Variants in GALNT13 observed in about 807,000 individuals in gnomAD.
GALNT13 encodes polypeptide N-acetylgalactosaminyltransferase 13, also known as UDP-GalNAc:polypeptide N-acetylgalactosaminyltransferase 13.
In GALNT13, 28 loss-of-function variants were observed where a neutral mutation model predicts 64.2. The ratio of observed to expected loss-of-function variants is 0.44; its 90% CI spans 0.32 to 0.60. The LOEUF (loss-of-function observed/expected upper bound fraction) is 0.60. Among genes scored for constraint, GALNT13 ranks in the 20% least tolerant of loss-of-function variants. The pLI is 0.05. For missense variants in GALNT13, 577 were observed against 669.8 expected (o/e 0.86, Z 1.53); for synonymous variants, 214 against 224.6 (o/e 0.95, Z 0.42).
At chr2:154,258,927 T>C in intron 7 of GALNT13, 94 bp from the exon 8 acceptor site, 1 of 677,954 alleles carries the variant, frequency 1.5e-6, no homozygotes, top group Non-Finnish European at 2.6e-6. Flanking sequence ...TTTTTAAATA[T>C]TTAGAATGTC....
At chr2:153,720,829 G>A in the GALNT13 span, among the ~76,000 whole-genome samples, 30 of 150,150 alleles carry the variant, frequency 2.0e-4, no homozygotes, top group Middle Eastern at 3.4e-3. Context: ...CCAAATCTAC[G>A]TCTGACTGGT....
the GALNT13 span, among the ~76,000 whole-genome samples, chr2:153,638,144 T>C: frequency 6.6e-6 from 1 of 151,906 alleles, no homozygotes; most frequent in Admixed American, 6.6e-5. Flanking sequence ...ATGTTTGGGG[T>C]GGCTGGAATA....
At chr2:153,237,428 A>G in the GALNT13 span, among the ~76,000 whole-genome samples, 1 of 152,044 alleles carries the variant, frequency 6.6e-6, no homozygotes, top group African/African-American at 2.4e-5. Flanking sequence ...CAAATACTAG[A>G]TCTTATTCAT....
chr2:153,248,815 C>CAAAAAAAA, the GALNT13 span, among the ~76,000 whole-genome samples: 1 of 127,500 alleles, frequency 7.8e-6, no homozygotes, highest in Non-Finnish European at 1.6e-5. Context: ...GACTCTGTCT[C>CAAAAAAAA]GAAAAAAAAA....
chr2:154,211,292 C>T (rs74662427), intron 4 of GALNT13, among the ~76,000 whole-genome samples: 1,624 of 151,716 alleles, frequency 0.011, 12 homozygotes, highest in Non-Finnish European at 0.017. Context: ...GCAATTGTAA[C>T]GCAGTCATAT....
the GALNT13 span, among the ~76,000 whole-genome samples, chr2:153,334,541 A>G: frequency 1.3e-5 from 2 of 152,106 alleles, no homozygotes; most frequent in African/African-American, 4.8e-5. Context: ...AAACAAAATG[A>G]TAAAGATTTT....
the GALNT13 span, among the ~76,000 whole-genome samples, chr2:153,781,569 A>G: frequency 6.6e-6 from 1 of 152,196 alleles, no homozygotes; most frequent in African/African-American, 2.4e-5. Flanking sequence ...CATGGCAACG[A>G]AAACTCTCTG....
At chr2:153,715,869 C>G in the GALNT13 span, among the ~76,000 whole-genome samples, 1 of 146,144 alleles carries the variant, frequency 6.8e-6, no homozygotes, top group Non-Finnish European at 1.5e-5. Flanking sequence ...GCTTGGATGT[C>G]AGAGCTGTAA....
At chr2:153,309,305 C>A in the GALNT13 span, among the ~76,000 whole-genome samples, 1 of 152,150 alleles carries the variant, frequency 6.6e-6, no homozygotes, top group Non-Finnish European at 1.5e-5. Flanking sequence ...CATGAGACAG[C>A]ATTGATGTAA....
the GALNT13 span, among the ~76,000 whole-genome samples, chr2:153,117,177 A>G: frequency 6.6e-6 from 1 of 152,120 alleles, no homozygotes. Context: ...TAAAGGTACA[A>G]TCTTTGCTTG....
intron 9 of GALNT13, among the ~76,000 whole-genome samples, chr2:154,395,341 T>C (rs1559132276): frequency 6.6e-6 from 1 of 152,188 alleles, no homozygotes; most frequent in Non-Finnish European, 1.5e-5. Flanking sequence ...TATTCTATTA[T>C]GTGAAATAAA....
intron 11 of GALNT13, among the ~76,000 whole-genome samples, chr2:154,419,721 T>A (rs1700170332): frequency 6.6e-6 from 1 of 152,066 alleles, no homozygotes; most frequent in African/African-American, 2.4e-5. Context: ...GGTGTTAAAA[T>A]CATAAGGATA....
chr2:154,423,811 G>A (rs1700356854), intron 11 of GALNT13, among the ~76,000 whole-genome samples: 1 of 152,154 alleles, frequency 6.6e-6, no homozygotes, highest in African/African-American at 2.4e-5. Context: ...CAATGTGGAA[G>A]AGGATAGTGG....
At chr2:153,170,837 A>G in the GALNT13 span, among the ~76,000 whole-genome samples, 3 of 152,224 alleles carry the variant, frequency 2.0e-5, no homozygotes, top group Non-Finnish European at 2.9e-5. Flanking sequence ...ATCTCCATGT[A>G]TATGATTTTC....
At chr2:153,743,293 A>G in the GALNT13 span, among the ~76,000 whole-genome samples, 1 of 152,000 alleles carries the variant, frequency 6.6e-6, no homozygotes, top group East Asian at 1.9e-4. Flanking sequence ...TTATCCATTC[A>G]TTGTTGGATA....
At chr2:153,837,284 C>T in the GALNT13 span, among the ~76,000 whole-genome samples, 11 of 152,138 alleles carry the variant, frequency 7.2e-5, no homozygotes, top group East Asian at 3.9e-4. Context: ...TTTCATGTGT[C>T]TGTTGGCTGC....
At chr2:153,665,165 T>C in the GALNT13 span, among the ~76,000 whole-genome samples, 8 of 152,216 alleles carry the variant, frequency 5.3e-5, no homozygotes, top group Non-Finnish European at 8.8e-5. Flanking sequence ...ACAATGGAAC[T>C]GAGGAGAAGA....
intron 4 of GALNT13, among the ~76,000 whole-genome samples, chr2:154,233,715 T>A (rs1383492696): frequency 6.6e-6 from 1 of 152,132 alleles, no homozygotes; most frequent in Non-Finnish European, 1.5e-5. Flanking sequence ...CAGGGCTTGA[T>A]AGATGGGAGA....
chr2:154,259,886 T>C (rs1373155938), intron 8 of GALNT13, among the ~76,000 whole-genome samples: 1 of 152,204 alleles, frequency 6.6e-6, no homozygotes, highest in East Asian at 1.9e-4. Context: ...TTGTTATTGT[T>C]GTTGTTGTTT....
Sources: gnomAD v4.1 joint callset for allele counts (sites outside exome capture counted in the v4.1 genomes callset) on GRCh38, gnomAD v4.1.1 for gene constraint, MANE v1.5 for transcripts, NCBI Gene and HGNC (gene_info 2026-07-23, HGNC 2026-07-21) for gene names.